NCALD: variants seen among roughly 807,000 people sequenced by gnomAD.
NCALD encodes neurocalcin-delta.
In NCALD, 10 loss-of-function variants were observed where a neutral mutation model predicts 18.6. That is an observed-to-expected ratio of 0.54 (90% CI 0.33 to 0.91). The LOEUF is 0.91. Ranked by LOEUF, NCALD falls within the 40% of genes least tolerant of loss-of-function variation. The pLI is 0.03. For synonymous variants in NCALD, 88 were observed against 87.4 expected, an observed-to-expected ratio of 1.01 and a Z score of -0.04; for missense variants, 184 against 247.6, an observed-to-expected ratio of 0.74 and a Z score of 1.72.
intron 1 of NCALD, among the ~76,000 whole-genome samples, chr8:102,065,796 A>T (rs1240596094): frequency 6.6e-6 from 1 of 152,192 alleles, no homozygotes; most frequent in African/African-American, 2.4e-5. Flanking sequence ...CAACATAGCG[A>T]GACCCTGTCT....
chr8:102,107,225 TATATATATATATATAC>T (rs1225791210), intron 1 of NCALD, among the ~76,000 whole-genome samples: 9 of 130,536 alleles, frequency 6.9e-5, no homozygotes, highest in African/African-American at 2.3e-4. Context: ...TATATATATA[TATATATATATATATAC>T]ACATAGAAAT....
At chr8:101,741,851 C>T (rs1426470714) in intron 1 of NCALD, among the ~76,000 whole-genome samples, 1 of 141,960 alleles carries the variant, frequency 7.0e-6, no homozygotes, top group African/African-American at 2.6e-5. Flanking sequence ...GTGTGAGAAT[C>T]ACTTTAGCCC....
intron 3 of NCALD, among the ~76,000 whole-genome samples, chr8:101,892,603 T>G (rs1816953898): frequency 6.7e-6 from 1 of 148,618 alleles, no homozygotes; most frequent in African/African-American, 2.6e-5. Flanking sequence ...GCAAAGAAGT[T>G]GAACACTTTG....
intron 4 of NCALD, among the ~76,000 whole-genome samples, chr8:101,857,730 C>T (rs73280806): frequency 0.071 from 10,767 of 152,166 alleles, 798 homozygotes; most frequent in African/African-American, 0.19. Flanking sequence ...TGATTAATTC[C>T]GCTTTGGAGA....
At chr8:101,887,092 C>G (rs1027685817) in intron 4 of NCALD, 2 of 152,042 alleles carry the variant, frequency 1.3e-5, no homozygotes, top group African/African-American at 4.8e-5. Flanking sequence ...CATTTTGAAT[C>G]GTAATTTACA....
chr8:102,032,254 C>T (rs1260971887), intron 1 of NCALD, among the ~76,000 whole-genome samples: 1 of 152,184 alleles, frequency 6.6e-6, no homozygotes, highest in Admixed American at 6.6e-5. Flanking sequence ...GGCTCAGATT[C>T]CTACGGCCAC....
intron 1 of NCALD, among the ~76,000 whole-genome samples, chr8:102,088,870 G>T (rs76415319): frequency 0.088 from 13,460 of 152,138 alleles, 1,575 homozygotes; most frequent in African/African-American, 0.27. Context: ...GGGAGCATCA[G>T]AAATTACTTC....
At chr8:102,118,690 T>C (rs1238372933) in intron 1 of NCALD, among the ~76,000 whole-genome samples, 1 of 152,168 alleles carries the variant, frequency 6.6e-6, no homozygotes, top group African/African-American at 2.4e-5. Flanking sequence ...AACTATTATG[T>C]TCTCTCATCT....
intron 4 of NCALD, among the ~76,000 whole-genome samples, chr8:101,835,757 G>A (rs372736541): frequency 6.6e-6 from 1 of 152,110 alleles, no homozygotes; most frequent in African/African-American, 2.4e-5. Flanking sequence ...CAGGGCAGAA[G>A]GGGAAGATAG....
chr8:102,105,578 G>A (rs1386769411), intron 1 of NCALD, among the ~76,000 whole-genome samples: 1 of 152,092 alleles, frequency 6.6e-6, no homozygotes, highest in African/African-American at 2.4e-5. Context: ...ACCCTTCAGG[G>A]GCCATACGTA....
intron 1 of NCALD, among the ~76,000 whole-genome samples, chr8:102,042,672 A>G (rs535572433): frequency 4.0e-5 from 6 of 151,566 alleles, no homozygotes; most frequent in African/African-American, 1.5e-4. Flanking sequence ...GCTAGAGGTG[A>G]CTACCAACCA....
chr8:102,076,568 T>C (rs576624784), intron 1 of NCALD, among the ~76,000 whole-genome samples: 2 of 148,338 alleles, frequency 1.3e-5, no homozygotes, highest in South Asian at 2.1e-4. Flanking sequence ...ATGTGAGAAA[T>C]AGAAGCTCAA....
chr8:102,012,800 T>C (rs1200125961), intron 2 of NCALD, among the ~76,000 whole-genome samples: 1 of 152,190 alleles, frequency 6.6e-6, no homozygotes, highest in Non-Finnish European at 1.5e-5. Context: ...CCATCTCCTT[T>C]AAAAGGGCTT....
intron 3 of NCALD, among the ~76,000 whole-genome samples, chr8:101,906,100 A>G (rs746349201): frequency 6.6e-5 from 10 of 152,162 alleles, no homozygotes; most frequent in Admixed American, 1.3e-4. Flanking sequence ...TAAGTATGTA[A>G]TATGTCTATG....
At chr8:101,897,431 G>A (rs1245179128) in intron 3 of NCALD, among the ~76,000 whole-genome samples, 1 of 149,302 alleles carries the variant, frequency 6.7e-6, no homozygotes, top group Non-Finnish European at 1.5e-5. Flanking sequence ...ACGAGTTAGT[G>A]GGTGCAGTGC....
At chr8:101,870,880 G>A (rs886516443) in intron 4 of NCALD, among the ~76,000 whole-genome samples, 2 of 117,304 alleles carry the variant, frequency 1.7e-5, no homozygotes, top group African/African-American at 7.0e-5. Flanking sequence ...AAGGGACTAT[G>A]CTCTACCACC....
chr8:101,690,266 C>T, intron 3 of NCALD: 1 of 985,404 alleles, frequency 1.0e-6, no homozygotes, highest in African/African-American at 1.7e-5. Context: ...TCCAGAAGGA[C>T]CCTTCCTCTT....
chr8:101,949,863 AGTCAGAAAGG>A (rs942952402), intron 2 of NCALD, among the ~76,000 whole-genome samples: 23 of 152,178 alleles, frequency 1.5e-4, no homozygotes, highest in Non-Finnish European at 2.5e-4. Context: ...CACAACATTG[AGTCAGAAAGG>A]GTTATTCTGC....
In NCALD at chr8:101,734,946, T is replaced by C. The variant is rs1211099192; in HGVS notation, c.-19-15298A>G. Among the ~76,000 whole-genome samples the C allele has an allele frequency of 3.3e-5, 5 of 152,244 alleles. No homozygotes were observed. The East Asian group carries it at 9.7e-4, about 29-fold the overall frequency. On this transcript the variant is annotated intron_variant, in intron 1 of 3. Coordinates refer to ENST00000220931, the MANE Select transcript of NCALD (RefSeq NM_032041.3). ...GTCCAAAGCAGCAAGAAAATACTGATTTTGGATAAAAGAGGACGTAGAACA... is the reference window on the plus strand; with the variant it reads ...GTCCAAAGCAGCAAGAAAATACTGACTTTGGATAAAAGAGGACGTAGAACA...
Sources: allele counts gnomAD v4.1 joint callset (sites outside exome capture counted in the v4.1 genomes callset), GRCh38; gene constraint gnomAD v4.1.1; transcripts MANE v1.5; gene names NCBI Gene and HGNC (gene_info 2026-07-23, HGNC 2026-07-21).